DEPDC5: variants seen among roughly 807,000 people sequenced by gnomAD.
The protein encoded by DEPDC5 is DEP domain containing 5, GATOR1 subcomplex subunit, also known as GATOR1 complex protein DEPDC5.
DEPDC5 carries 73 observed loss-of-function variants against 217.3 expected under a neutral mutation model. The observed-to-expected ratio is 0.34, with a 90% CI of 0.28 to 0.41. The LOEUF is 0.41. Among genes scored for constraint, DEPDC5 ranks in the 10% least tolerant of loss-of-function variants. The pLI is 1.00. For missense variants in DEPDC5, 1,675 were observed against 2,070.1 expected, an observed-to-expected ratio of 0.81 and a Z score of 3.70; for synonymous variants, 733 against 756.7, an observed-to-expected ratio of 0.97 and a Z score of 0.51.
At chr22:31,886,650 C>T (rs1206044142) in intron 38 of DEPDC5, among the ~76,000 whole-genome samples, 3 of 149,636 alleles carry the variant, frequency 2.0e-5, no homozygotes, top group Non-Finnish European at 4.4e-5. Flanking sequence ...ATCCCAGCTA[C>T]TCGTGAGGCT....
chr22:31,840,487 G>C (rs2091325593), intron 27 of DEPDC5, among the ~76,000 whole-genome samples: 1 of 152,220 alleles, frequency 6.6e-6, no homozygotes, highest in African/African-American at 2.4e-5. Flanking sequence ...AGAGTAATAA[G>C]ATGAATTCAC....
chr22:31,762,579 C>T (rs2082485480), intron 4 of DEPDC5, among the ~76,000 whole-genome samples: 2 of 152,154 alleles, frequency 1.3e-5, no homozygotes, highest in Non-Finnish European at 2.9e-5. Flanking sequence ...GCCTGACCAA[C>T]ATGGTAAAAC....
chr22:31,819,760 G>A (rs2089504458), intron 22 of DEPDC5, among the ~76,000 whole-genome samples: 2 of 152,076 alleles, frequency 1.3e-5, no homozygotes, highest in Non-Finnish European at 2.9e-5. Context: ...GTGAGCCACC[G>A]CATCCGGCCC....
intron 31 of DEPDC5, among the ~76,000 whole-genome samples, chr22:31,851,145 C>G (rs1189306769): frequency 6.6e-6 from 1 of 152,070 alleles, no homozygotes; most frequent in African/African-American, 2.4e-5. Flanking sequence ...TGAGCTGGCA[C>G]TTCAGAAGGG....
In DEPDC5 at chr22:31,870,695, C is replaced by T. The variant is rs2092816377; in HGVS notation, c.3436C>T (p.Gln1146Ter). The T allele has an allele frequency of 6.2e-7, 1 of 1,602,454 alleles. No individual in the cohort carries two copies. The highest frequency in any genetic ancestry group is 8.5e-7 in the Non-Finnish European group (1 of 1,175,222). Residue 1146 changes from glutamine (Q) to a stop codon, truncating the protein, a stop_gained, in exon 34 of 43, where the codon CAG (glutamine) becomes TAG (stop). Coordinates refer to ENST00000651528, the MANE Select transcript of DEPDC5 (RefSeq NM_001242896.3). LOFTEE classifies it high-confidence loss of function. Reference sequence around the variant, plus strand: ...CAACAGCCAGACCTTTGGGAACTCCCAGAACATAGGAGAACAGGGCTACTC... The same window carrying T: ...CAACAGCCAGACCTTTGGGAACTCCTAGAACATAGGAGAACAGGGCTACTC... ...RGNSQTFGNS[Q>*]NIGEQGYSST...
chr22:31,810,264 C>G (rs1281594224), intron 19 of DEPDC5, among the ~76,000 whole-genome samples: 1 of 152,176 alleles, frequency 6.6e-6, no homozygotes, highest in South Asian at 2.1e-4. Context: ...CACAGCTTGC[C>G]TTTATTTAGT....
In DEPDC5 at chr22:31,837,051, G is replaced by A. The variant is rs758163770; in HGVS notation, c.2250G>A (p.Pro750=). The change falls in exon 26 of 43, where the codon CCG becomes CCA. Residue 750 remains proline, a synonymous_variant. Transcript: ENST00000651528. ...VGVDWKSLTT[P]ACLPLTTDYF... is the part of the protein sequence containing the mutation. ...TGGACTGGAAGTCTCTCACTACTCCGGCGTGCCTCCCCCTTACCACCGACT... is the reference window on the plus strand; with the variant it reads ...TGGACTGGAAGTCTCTCACTACTCCAGCGTGCCTCCCCCTTACCACCGACT... The A allele has an allele frequency of 2.5e-5, 41 of 1,613,974 alleles. No homozygotes were observed. Among genetic ancestry groups the A allele is most frequent in the South Asian group, 1.4e-4 (13 of 91,084 alleles).
chr22:31,904,164 C>T (rs372497856), intron 41 of DEPDC5, among the ~76,000 whole-genome samples: 5 of 135,324 alleles, frequency 3.7e-5, no homozygotes, highest in Admixed American at 1.4e-4. Flanking sequence ...TGTGACCTAC[C>T]GCTCCTCCTT....
In DEPDC5 at chr22:31,836,971, G is replaced by C. The variant is rs2091051131; in HGVS notation, c.2171-1G>C. The C allele has an allele frequency of 6.2e-7, 1 of 1,612,536 alleles. No individual in the cohort carries two copies. The highest frequency in any genetic ancestry group is 1.3e-5 in the African/African-American group (1 of 74,610). ...CCTTTTCCCCCTGTTACGTGAGGCA[G>C]TTCTGACACTGTCTGCTCCCCCTGT... On this transcript the variant is annotated splice_acceptor_variant, in intron 25 of 42. Transcript: ENST00000651528. LOFTEE classifies it high-confidence loss of function.
Position 31,885,224 on chromosome 22 carries a change from C to A in DEPDC5, c.4033+5472C>A, listed in dbSNP as rs538091658. On this transcript the variant is annotated intron_variant, in intron 38 of 42. Coordinates refer to ENST00000651528, the MANE Select transcript of DEPDC5 (RefSeq NM_001242896.3). Reference sequence around the variant, plus strand: ...TAGAGTTTTCAGCAGCCTACAGGACCCCAGGATGTGGTCCCCTCATTCTCT... The same window carrying A: ...TAGAGTTTTCAGCAGCCTACAGGACACCAGGATGTGGTCCCCTCATTCTCT... Among the ~76,000 whole-genome samples, 3 of 152,286 alleles carry A rather than the reference C, an allele frequency of 2.0e-5. No individual in the cohort carries two copies. The South Asian group carries it at 6.2e-4, about 32-fold the overall frequency.
intron 12 of DEPDC5, among the ~76,000 whole-genome samples, chr22:31,794,281 A>G (rs1190612132): frequency 6.6e-6 from 1 of 152,190 alleles, no homozygotes; most frequent in African/African-American, 2.4e-5. Context: ...CCTTATGCAG[A>G]TGAATTCTGC....
intron 6 of DEPDC5, 101 bp from the exon 7 acceptor site, chr22:31,768,713 T>C: frequency 9.8e-7 from 1 of 1,018,192 alleles, no homozygotes; most frequent in South Asian, 1.6e-5. Flanking sequence ...GAGTTCTTGT[T>C]TGTGATTTTT....
intron 18 of DEPDC5, among the ~76,000 whole-genome samples, chr22:31,809,227 G>A (rs527753063): frequency 6.6e-5 from 10 of 152,146 alleles, no homozygotes; most frequent in African/African-American, 2.4e-4. Context: ...TGACAGCACC[G>A]TAGTGAAGGG....
chr22:31,882,771 T>G (rs1174145265), intron 38 of DEPDC5, among the ~76,000 whole-genome samples: 1 of 152,152 alleles, frequency 6.6e-6, no homozygotes, highest in Non-Finnish European at 1.5e-5. Context: ...GTTCCTTCTC[T>G]TCTTTCTCCT....
intron 14 of DEPDC5, among the ~76,000 whole-genome samples, chr22:31,799,932 A>G (rs1203223931): frequency 3.4e-5 from 5 of 148,192 alleles, no homozygotes; most frequent in Non-Finnish European, 5.9e-5. Context: ...CCTCCCAAGT[A>G]GCTGGGATCA....
At chr22:31,762,813 CT>C (rs910803784) in intron 4 of DEPDC5, among the ~76,000 whole-genome samples, 3 of 150,712 alleles carry the variant, frequency 2.0e-5, no homozygotes, top group Non-Finnish European at 3.0e-5. Context: ...CCCACTCTTT[CT>C]TTTTTTTTAA....
chr22:31,780,127 A>G (rs2084274972), intron 8 of DEPDC5, among the ~76,000 whole-genome samples: 1 of 152,190 alleles, frequency 6.6e-6, no homozygotes, highest in Admixed American at 6.6e-5. Context: ...AGTTATTTCC[A>G]GGGTCAAGAG....
At chr22:31,905,595 G>A (rs576029759) in intron 41 of DEPDC5, among the ~76,000 whole-genome samples, 26 of 152,168 alleles carry the variant, frequency 1.7e-4, no homozygotes, top group Admixed American at 3.9e-4. Context: ...AGGATGGGAT[G>A]GGGGAGAACG....
chr22:31,810,845 G>A (rs2088217247), intron 20 of DEPDC5, among the ~76,000 whole-genome samples: 1 of 151,838 alleles, frequency 6.6e-6, no homozygotes, highest in Admixed American at 6.6e-5. Flanking sequence ...GTGTGATCTC[G>A]GCTCACTGCA....
Sources: gnomAD v4.1 joint callset for allele counts (sites outside exome capture counted in the v4.1 genomes callset) on GRCh38, gnomAD v4.1.1 for gene constraint, MANE v1.5 for transcripts, NCBI Gene and HGNC (gene_info 2026-07-23, HGNC 2026-07-21) for gene names.